CCSER2: variants seen among roughly 807,000 people sequenced by gnomAD.
CCSER2 encodes serine-rich coiled-coil domain-containing protein 2.
Under a neutral mutation model 92.3 loss-of-function variants are expected in CCSER2, and 46 were observed. The observed-to-expected ratio is 0.50, with a 90% CI of 0.39 to 0.64. The LOEUF is 0.64. Ranked by LOEUF, CCSER2 falls within the 30% of genes least tolerant of loss-of-function variation. The pLI is 0.00. For synonymous variants in CCSER2, 433 were observed against 431.4 expected (o/e 1.00, Z -0.04); for missense variants, 1,244 against 1,238.9 (o/e 1.00, Z -0.06).
intron 1 of CCSER2, among the ~76,000 whole-genome samples, chr10:84,333,482 G>C (rs1023300068): frequency 6.6e-6 from 1 of 152,176 alleles, no homozygotes; most frequent in Non-Finnish European, 1.5e-5. Flanking sequence ...CAGTCAGCCT[G>C]CTTTTAAAAG....
chr10:84,390,922 TG>T (rs1213811122), intron 3 of CCSER2: 1 of 748,732 alleles, frequency 1.3e-6, no homozygotes, highest in African/African-American at 1.7e-5. Flanking sequence ...AGAGGAGGCT[TG>T]TACAGCACCT....
At chr10:84,461,545 G>T (rs549431837) in intron 6 of CCSER2, among the ~76,000 whole-genome samples, 12 of 151,980 alleles carry the variant, frequency 7.9e-5, no homozygotes, top group African/African-American at 2.9e-4. Flanking sequence ...CACTCTTTAA[G>T]TTTATTGTAT....
At chr10:84,438,203 ATAAGT>A (rs1251543317) in intron 5 of CCSER2, among the ~76,000 whole-genome samples, 1 of 152,224 alleles carries the variant, frequency 6.6e-6, no homozygotes, top group East Asian at 1.9e-4. Context: ...AAAAGGAAGA[ATAAGT>A]TTAACTTTTT....
rs1202869188 is a variant in CCSER2 at position 84,335,228 on chromosome 10, C to CT, written c.-40+6443dup. ...CCCAGCATTCTACTTCTCTCTCTCT[C>CT]TTTTTTTTTTTTTTTTTTTTTTTGA... On this transcript the variant is annotated intron_variant, in intron 1 of 9. Transcript: ENST00000372088. 2.5e-3 allele frequency among the ~76,000 whole-genome samples: 172 copies of CT among 70,006 alleles called. 5 individuals carry two copies. The highest frequency in any genetic ancestry group is 5.7e-3 in the African/African-American group (100 of 17,480). 45.9% of individuals were successfully genotyped at this position (70,006 alleles called of 152,430 possible).
chr10:84,443,685 A>T (rs1844725509), intron 6 of CCSER2, among the ~76,000 whole-genome samples: 1 of 152,190 alleles, frequency 6.6e-6, no homozygotes, highest in Non-Finnish European at 1.5e-5. Flanking sequence ...ATAAAGACAC[A>T]TGCACACGTA....
intron 1 of CCSER2, among the ~76,000 whole-genome samples, chr10:84,330,002 A>G (rs1316972555): frequency 6.6e-6 from 1 of 152,270 alleles, no homozygotes; most frequent in African/African-American, 2.4e-5. Context: ...AGCCATAGTT[A>G]AGAAAGCACT....
chr10:84,390,697 T>A (rs1841472363), intron 3 of CCSER2, among the ~76,000 whole-genome samples: 1 of 152,190 alleles, frequency 6.6e-6, no homozygotes, highest in South Asian at 2.1e-4. Context: ...TTGATTAACT[T>A]CCATCTTTGT....
intron 1 of CCSER2, among the ~76,000 whole-genome samples, chr10:84,353,807 A>G (rs1845002182): frequency 1.3e-5 from 2 of 152,164 alleles, no homozygotes; most frequent in Non-Finnish European, 2.9e-5. Flanking sequence ...TCTTGTTCCA[A>G]ATATTGTCCC....
chr10:84,443,757 G>T (rs1183509428), intron 6 of CCSER2, among the ~76,000 whole-genome samples: 2 of 152,172 alleles, frequency 1.3e-5, no homozygotes. Flanking sequence ...GCCCATCAAT[G>T]ATAGACTGGA....
chr10:84,394,613 G>A (rs1841724303), intron 3 of CCSER2, among the ~76,000 whole-genome samples: 1 of 151,992 alleles, frequency 6.6e-6, no homozygotes, highest in Non-Finnish European at 1.5e-5. Context: ...CTGAGTATAG[G>A]GTATGGGGTA....
chr10:84,408,160 T>TA (rs55985683), intron 3 of CCSER2, among the ~76,000 whole-genome samples: 9 of 149,228 alleles, frequency 6.0e-5, no homozygotes, highest in South Asian at 2.1e-4. Flanking sequence ...TACAGAAAAG[T>TA]AAAAAAAAAA....
Position 84,517,690 on chromosome 10 carries a change from C to G in CCSER2, c.*3423C>G, listed in dbSNP as rs1849642383. The G allele has an allele frequency of 6.6e-6, 1 of 152,578 alleles. No individual in the cohort carries two copies. The highest frequency in any genetic ancestry group is 2.4e-5 in the African/African-American group (1 of 41,426). 9.5% of individuals were successfully genotyped at this position (152,578 alleles called of 1,614,324 possible). On this transcript the variant is annotated 3_prime_UTR_variant, in exon 10 of 10. Coordinates refer to ENST00000372088, the MANE Select transcript of CCSER2 (RefSeq NM_001284240.2). ...CCAGCATGTCACTTTTCCATTAAAG[C>G]ACTAAGTTTTCTTTGAATGTTCCAT...
At chr10:84,381,818 C>T (rs181409288) in intron 3 of CCSER2, among the ~76,000 whole-genome samples, 80 of 150,890 alleles carry the variant, frequency 5.3e-4, no homozygotes, top group African/African-American at 1.9e-3. Flanking sequence ...GTCCCAGCTA[C>T]TCGGGAGGCT....
chr10:84,389,555 A>G, intron 3 of CCSER2: 1 of 250,500 alleles, frequency 4.0e-6, no homozygotes, highest in East Asian at 1.3e-4. Context: ...CAGATGTGGC[A>G]TTGACTTTAC....
chr10:84,450,253 G>T (rs970107142), intron 6 of CCSER2, among the ~76,000 whole-genome samples: 1 of 152,186 alleles, frequency 6.6e-6, no homozygotes, highest in Non-Finnish European at 1.5e-5. Context: ...AAACCGGTTA[G>T]TGGGTCTTAA....
At chr10:84,494,186 C>G (rs948761832) in intron 9 of CCSER2, among the ~76,000 whole-genome samples, 6 of 152,182 alleles carry the variant, frequency 3.9e-5, no homozygotes, top group African/African-American at 1.2e-4. Flanking sequence ...TGGTACTGGT[C>G]CGTGGCCCAG....
intron 9 of CCSER2, among the ~76,000 whole-genome samples, chr10:84,495,322 AC>A (rs1848390854): frequency 6.6e-6 from 1 of 152,118 alleles, no homozygotes; most frequent in Non-Finnish European, 1.5e-5. Flanking sequence ...GTCAGAGAAC[AC>A]ATTCTGTATA....
At chr10:84,356,052 A>G (rs148133415) in intron 1 of CCSER2, among the ~76,000 whole-genome samples, 1,746 of 151,262 alleles carry the variant, frequency 0.012, 35 homozygotes, top group African/African-American at 0.04. Flanking sequence ...GCAGTGAGCC[A>G]AGATCATGCC....
rs777261898 is a variant in CCSER2, at chr10:84,371,236, C to G, written c.184C>G (p.His62Asp). ...TAATGGCTCTGATTGTCCATCATCT[C>G]ATTCATTTAATTGGAGGAAAGCAAA... ...KNNGSDCPSS[H>D]SFNWRKANKY... The change falls in exon 2 of 10, where the codon CAT becomes GAT. Residue 62 changes from histidine (H) to aspartate (D), a missense_variant. Physicochemically the swap from His to Asp is moderately conservative, Grantham distance 81. Coordinates refer to ENST00000372088, the MANE Select transcript of CCSER2 (RefSeq NM_001284240.2). The G allele has an allele frequency of 1.6e-5, 26 of 1,613,044 alleles. No individual in the cohort carries two copies. Among genetic ancestry groups the G allele is most frequent in the African/African-American group, 4.0e-5 (3 of 74,848 alleles).
Sources: allele counts gnomAD v4.1 joint callset (sites outside exome capture counted in the v4.1 genomes callset), GRCh38; gene constraint gnomAD v4.1.1; transcripts MANE v1.5; gene names NCBI Gene and HGNC (gene_info 2026-07-23, HGNC 2026-07-21).